Variants in IMMP2L observed in about 807,000 individuals in gnomAD.
IMMP2L encodes mitochondrial inner membrane protease subunit 2.
In IMMP2L, 18 loss-of-function variants were observed where a neutral mutation model predicts 19.3. The observed-to-expected ratio is 0.93, with a 90% confidence interval of 0.64 to 1.38. IMMP2L has a LOEUF of 1.38. Ranked by LOEUF, IMMP2L falls within the 40% of genes most tolerant of loss-of-function variation. The pLI is 0.00. For synonymous variants in IMMP2L, 76 were observed against 73.0 expected (o/e 1.04, Z -0.21); for missense variants, 233 against 218.2 (o/e 1.07, Z -0.43).
At chr7:111,493,103 A>C (rs1843245994) in intron 2 of IMMP2L, among the ~76,000 whole-genome samples, 1 of 152,186 alleles carries the variant, frequency 6.6e-6, no homozygotes, top group South Asian at 2.1e-4. Context: ...AATATACATT[A>C]TCTAAATAAT....
intron 3 of IMMP2L, among the ~76,000 whole-genome samples, chr7:111,453,300 A>G (rs890477001): frequency 2.0e-5 from 3 of 152,064 alleles, no homozygotes; most frequent in Admixed American, 6.5e-5. Flanking sequence ...TACCTCTTGT[A>G]TACATTTACC....
At chr7:111,310,005 C>T (rs1401309540) in intron 3 of IMMP2L, among the ~76,000 whole-genome samples, 2 of 151,974 alleles carry the variant, frequency 1.3e-5, no homozygotes, top group African/African-American at 2.4e-5. Flanking sequence ...GAGGCCAAGG[C>T]GGGTGGATCA....
intron 4 of IMMP2L, among the ~76,000 whole-genome samples, chr7:110,955,942 A>C (rs185521404): frequency 6.6e-6 from 1 of 152,076 alleles, no homozygotes; most frequent in Admixed American, 6.6e-5. Context: ...AAAAAAAAGA[A>C]TTTATTAAAC....
At chr7:110,953,890 G>C (rs1268459788) in intron 4 of IMMP2L, among the ~76,000 whole-genome samples, 1 of 152,014 alleles carries the variant, frequency 6.6e-6, no homozygotes, top group African/African-American at 2.4e-5. Context: ...TCTCATTGTG[G>C]TTTTTACTTG....
chr7:111,164,447 T>C (rs1206293408), intron 3 of IMMP2L, among the ~76,000 whole-genome samples: 1 of 151,902 alleles, frequency 6.6e-6, no homozygotes, highest in Non-Finnish European at 1.5e-5. Flanking sequence ...TCACAGGACA[T>C]GTTGTGAGGA....
chr7:111,058,402 A>G (rs1793707571), intron 3 of IMMP2L, among the ~76,000 whole-genome samples: 1 of 152,230 alleles, frequency 6.6e-6, no homozygotes, highest in African/African-American at 2.4e-5. Context: ...CAGATTTAAA[A>G]GAGCAAACAA....
intron 3 of IMMP2L, among the ~76,000 whole-genome samples, chr7:110,980,724 T>G (rs1433829085): frequency 6.6e-6 from 1 of 152,154 alleles, no homozygotes; most frequent in African/African-American, 2.4e-5. Context: ...TTCCCTAAAT[T>G]TGACAAAGTT....
chr7:110,936,841 C>CAT (rs1244185138), intron 4 of IMMP2L, among the ~76,000 whole-genome samples: 3 of 152,178 alleles, frequency 2.0e-5, no homozygotes, highest in African/African-American at 7.2e-5. Flanking sequence ...AAATGTGGTA[C>CAT]ATATACACCA....
intron 3 of IMMP2L, among the ~76,000 whole-genome samples, chr7:111,193,806 A>T (rs929972572): frequency 1.3e-5 from 2 of 152,160 alleles, no homozygotes; most frequent in Non-Finnish European, 2.9e-5. Context: ...TATAATTTAT[A>T]TTCCTTTAAT....
intron 4 of IMMP2L, among the ~76,000 whole-genome samples, chr7:110,933,032 T>C (rs1281904235): frequency 4.6e-5 from 7 of 152,220 alleles, no homozygotes; most frequent in Admixed American, 4.6e-4. Context: ...TGTGCTTACT[T>C]GAAACATAAT....
At chr7:111,526,406 G>C (rs759363008) in intron 1 of IMMP2L, among the ~76,000 whole-genome samples, 3 of 152,186 alleles carry the variant, frequency 2.0e-5, no homozygotes, top group Non-Finnish European at 4.4e-5. Flanking sequence ...CAAAATGCTA[G>C]CAGTGGTTAA....
At chr7:110,822,392 C>T (rs1452243075) in intron 5 of IMMP2L, among the ~76,000 whole-genome samples, 5 of 152,086 alleles carry the variant, frequency 3.3e-5, no homozygotes, top group African/African-American at 1.2e-4. Flanking sequence ...AGACTACAGT[C>T]TTACCAAATG....
intron 3 of IMMP2L, among the ~76,000 whole-genome samples, chr7:111,271,109 T>C (rs1297961438): frequency 1.3e-5 from 2 of 152,066 alleles, no homozygotes; most frequent in African/African-American, 4.8e-5. Context: ...GTTCTTATGA[T>C]AGTGAGTGAG....
At chr7:111,346,677 G>T (rs942682633) in intron 3 of IMMP2L, among the ~76,000 whole-genome samples, 1 of 152,116 alleles carries the variant, frequency 6.6e-6, no homozygotes, top group Non-Finnish European at 1.5e-5. Context: ...GCTCTGAGGT[G>T]AGCCAAGACA....
At chr7:111,405,955 C>T (rs933441058) in intron 3 of IMMP2L, among the ~76,000 whole-genome samples, 1 of 152,034 alleles carries the variant, frequency 6.6e-6, no homozygotes, top group African/African-American at 2.4e-5. Flanking sequence ...TGCTTCTGAT[C>T]CTTTACAGAA....
intron 3 of IMMP2L, among the ~76,000 whole-genome samples, chr7:111,327,746 G>A (rs1318431669): frequency 4.0e-5 from 6 of 151,428 alleles, no homozygotes; most frequent in Non-Finnish European, 7.4e-5. Flanking sequence ...CTGTGGTTTG[G>A]CCAAAATAAA....
chr7:111,310,877 A>C (rs927492522), intron 3 of IMMP2L, among the ~76,000 whole-genome samples: 4 of 152,200 alleles, frequency 2.6e-5, no homozygotes, highest in Non-Finnish European at 5.9e-5. Context: ...ATCTCCAATC[A>C]GAATTGCAAC....
At chr7:111,393,452 A>T (rs1167908314) in intron 3 of IMMP2L, among the ~76,000 whole-genome samples, 1 of 152,132 alleles carries the variant, frequency 6.6e-6, no homozygotes, top group East Asian at 1.9e-4. Context: ...GTTTTGCACC[A>T]AACAATGTGC....
intron 1 of IMMP2L, among the ~76,000 whole-genome samples, chr7:111,535,121 CT>C (rs1847763605): frequency 6.6e-6 from 1 of 152,058 alleles, no homozygotes; most frequent in Non-Finnish European, 1.5e-5. Flanking sequence ...TGATCTGTTC[CT>C]AGCCCTATTT....
Sources: allele counts gnomAD v4.1 joint callset (sites outside exome capture counted in the v4.1 genomes callset), GRCh38; gene constraint gnomAD v4.1.1; transcripts MANE v1.5; gene names NCBI Gene and HGNC (gene_info 2026-07-23, HGNC 2026-07-21).